The following BCHE variants were observed in gnomAD, a reference collection of about 807,000 sequenced individuals.
BCHE encodes cholinesterase.
In BCHE, 48 loss-of-function variants were observed where a neutral mutation model predicts 51.3. The ratio of observed to expected loss-of-function variants is 0.94; its 90% CI spans 0.74 to 1.19. The LOEUF (loss-of-function observed/expected upper bound fraction) is 1.19, where lower values mean the gene tolerates loss of function less well. Ranked by LOEUF, BCHE falls within the 50% of genes most tolerant of loss-of-function variation. The pLI is 0.00. For synonymous variants in BCHE, 251 were observed against 238.0 expected (o/e 1.05, Z -0.50); for missense variants, 847 against 708.2 (o/e 1.20, Z -2.23).
intron 2 of BCHE, among the ~76,000 whole-genome samples, chr3:165,804,293 T>A (rs1257209534): frequency 6.6e-6 from 1 of 152,158 alleles, no homozygotes; most frequent in Non-Finnish European, 1.5e-5. Context: ...AGGTAAATTA[T>A]TAGTGAGTTT....
chr3:165,831,176 A>G (rs1470706953), intron 1 of BCHE, 135 bp from the exon 2 acceptor site: 1 of 706,568 alleles, frequency 1.4e-6, no homozygotes, highest in East Asian at 2.8e-5. Context: ...GCTTCTGTAA[A>G]GGCCTACATA....
chr3:165,815,907 C>G (rs1576860876), intron 2 of BCHE, among the ~76,000 whole-genome samples: 1 of 151,962 alleles, frequency 6.6e-6, no homozygotes, highest in South Asian at 2.1e-4. Context: ...AAGTTATTTT[C>G]CCCCGCTTTC....
At chr3:165,828,021 C>A in intron 2 of BCHE, 1 of 455,604 alleles carries the variant, frequency 2.2e-6, no homozygotes. Flanking sequence ...AAATCAAAAC[C>A]ACAGGTTCTG....
chr3:165,814,934 A>C (rs929357696), intron 2 of BCHE, among the ~76,000 whole-genome samples: 7 of 148,936 alleles, frequency 4.7e-5, no homozygotes, highest in African/African-American at 1.7e-4. Context: ...TTTTTAACTT[A>C]TACTAATATT....
chr3:165,803,079 A>G (rs1713730076), intron 2 of BCHE, among the ~76,000 whole-genome samples: 1 of 152,162 alleles, frequency 6.6e-6, no homozygotes. Context: ...GGAAAAGAGA[A>G]GAAAAGAGAA....
At chr3:165,781,469 A>G (rs829502) in intron 3 of BCHE, among the ~76,000 whole-genome samples, 78,202 of 151,942 alleles carry the variant, frequency 0.51, 23,676 homozygotes, top group East Asian at 0.66. Flanking sequence ...ATCATCAGCA[A>G]ACTAACACAA....
chr3:165,819,182 G>A (rs1399545244), intron 2 of BCHE, among the ~76,000 whole-genome samples: 5 of 149,796 alleles, frequency 3.3e-5, no homozygotes, highest in East Asian at 2.0e-4. Context: ...GGGTTCAAAC[G>A]ATTCTCCTGC....
intron 2 of BCHE, among the ~76,000 whole-genome samples, chr3:165,818,154 G>T (rs547156427): frequency 1.7e-4 from 26 of 151,772 alleles, no homozygotes; most frequent in African/African-American, 6.0e-4. Flanking sequence ...CAGGTAAATT[G>T]TTATGATCAA....
chr3:165,835,065 G>C (rs1715142979), intron 1 of BCHE, among the ~76,000 whole-genome samples: 1 of 151,802 alleles, frequency 6.6e-6, no homozygotes, highest in African/African-American at 2.4e-5. Flanking sequence ...AGTTTTTGAG[G>C]AATTGAGTTT....
At chr3:165,799,897 A>G (rs923101758) in intron 2 of BCHE, among the ~76,000 whole-genome samples, 7 of 152,058 alleles carry the variant, frequency 4.6e-5, no homozygotes, top group Admixed American at 2.6e-4. Context: ...ATATTTTTCC[A>G]CAATTCTTTT....
At chr3:165,802,224 T>C (rs1713679242) in intron 2 of BCHE, among the ~76,000 whole-genome samples, 1 of 152,184 alleles carries the variant, frequency 6.6e-6, no homozygotes, top group Admixed American at 6.5e-5. Context: ...ATAAGTGATA[T>C]CAAGGAGACC....
At chr3:165,808,994 C>G (rs1713976889) in intron 2 of BCHE, among the ~76,000 whole-genome samples, 1 of 151,934 alleles carries the variant, frequency 6.6e-6, no homozygotes, top group Admixed American at 6.6e-5. Flanking sequence ...GAGTAATGTA[C>G]TTACAGTTTT....
At chr3:165,813,715 T>A (rs563004699) in intron 2 of BCHE, among the ~76,000 whole-genome samples, 1 of 151,942 alleles carries the variant, frequency 6.6e-6, no homozygotes, top group East Asian at 1.9e-4. Context: ...AGGACAATTA[T>A]AAAGGTTTAA....
chr3:165,791,304 G>A (rs1321033713), intron 2 of BCHE, among the ~76,000 whole-genome samples: 4 of 151,760 alleles, frequency 2.6e-5, no homozygotes, highest in South Asian at 2.1e-4. Flanking sequence ...TGGGGGGCGG[G>A]CGGGAAGGAA....
intron 2 of BCHE, among the ~76,000 whole-genome samples, chr3:165,800,141 T>C (rs1216557912): frequency 1.3e-5 from 2 of 152,132 alleles, no homozygotes; most frequent in African/African-American, 2.4e-5. Context: ...CTTGAATACT[T>C]TTTTTGAATC....
intron 2 of BCHE, among the ~76,000 whole-genome samples, chr3:165,812,341 A>G (rs988547069): frequency 5.3e-5 from 8 of 151,076 alleles, no homozygotes; most frequent in African/African-American, 1.9e-4. Flanking sequence ...AATCTTTATC[A>G]CACAGTTTAT....
intron 2 of BCHE, among the ~76,000 whole-genome samples, chr3:165,800,446 A>C (rs1713594133): frequency 6.6e-6 from 1 of 152,048 alleles, no homozygotes; most frequent in Admixed American, 6.6e-5. Flanking sequence ...ATATGTCTTT[A>C]TTAATACCAA....
chr3:165,830,833 A>C lies in BCHE; in HGVS notation c.201T>G (p.Gly67=). The change falls in exon 2 of 4, where the codon GGT becomes GGG. Residue 67 remains glycine, a synonymous_variant. Transcript: ENST00000264381. ...LGIPYAQPPL[G]RLRFKKPQSL... ...ACTGTGGCTTTTTGAATCGAAGTCTACCAAGAGGTGGCTGTGCATAGGGAA... is the reference window on the plus strand; with the variant it reads ...ACTGTGGCTTTTTGAATCGAAGTCTCCCAAGAGGTGGCTGTGCATAGGGAA... The C allele has an allele frequency of 6.2e-7, 1 of 1,613,968 alleles. No individual in the cohort carries two copies. The highest frequency in any genetic ancestry group is 8.5e-7 in the Non-Finnish European group (1 of 1,179,942).
In BCHE at chr3:165,837,100, A is replaced by G. The variant is rs557034135; in HGVS notation, c.-9+214T>C. ...AATTCATTATTTTCTCAGCAGTTAA[A>G]TAAACAAAGTCTGCGTTCCCTGAAT... On this transcript the variant is annotated intron_variant, in intron 1 of 3. Coordinates refer to ENST00000264381, the MANE Select transcript of BCHE (RefSeq NM_000055.4). Among the ~76,000 whole-genome samples the G allele has an allele frequency of 7.2e-5, 11 of 152,270 alleles. No homozygotes were observed. The South Asian group carries it at 1.9e-3, about 26-fold the overall frequency.
Sources: allele counts gnomAD v4.1 joint callset (sites outside exome capture counted in the v4.1 genomes callset), GRCh38; gene constraint gnomAD v4.1.1; transcripts MANE v1.5; gene names NCBI Gene and HGNC (gene_info 2026-07-23, HGNC 2026-07-21).